TIAM1: variants seen among roughly 807,000 people sequenced by gnomAD.
TIAM1 encodes TIAM Rac1 associated GEF 1.
A neutral mutation model predicts 163.5 loss-of-function variants in TIAM1; 65 were observed. The observed-to-expected ratio is 0.40, with a 90% CI of 0.33 to 0.49. The LOEUF (loss-of-function observed/expected upper bound fraction) is 0.49, where lower values mean the gene tolerates loss of function less well. Among genes scored for constraint, TIAM1 ranks in the 20% least tolerant of loss-of-function variants. The pLI is 0.77. For missense variants in TIAM1, 1,789 were observed against 2,044.7 expected, an observed-to-expected ratio of 0.87 and a Z score of 2.41; for synonymous variants, 833 against 810.1, an observed-to-expected ratio of 1.03 and a Z score of -0.48.
intron 2 of TIAM1, among the ~76,000 whole-genome samples, chr21:31,394,629 G>A (rs1034677628): frequency 4.6e-5 from 7 of 151,610 alleles, no homozygotes; most frequent in African/African-American, 7.3e-5. Flanking sequence ...GGAACTCTGC[G>A]CTTTCCACCC....
chr21:31,188,599 G>A (rs986270054), intron 13 of TIAM1, among the ~76,000 whole-genome samples: 1 of 152,152 alleles, frequency 6.6e-6, no homozygotes, highest in Admixed American at 6.5e-5. Flanking sequence ...TAAAGAGACA[G>A]GGTCTTGCTC....
At chr21:31,188,084 G>GT (rs2085383453) in intron 13 of TIAM1, among the ~76,000 whole-genome samples, 1 of 152,020 alleles carries the variant, frequency 6.6e-6, no homozygotes, top group Admixed American at 6.6e-5. Context: ...ACAGAATTTT[G>GT]TAAGATTGGG....
intron 1 of TIAM1, among the ~76,000 whole-genome samples, chr21:31,474,237 AC>A (rs1300403134): frequency 6.6e-6 from 1 of 152,174 alleles, no homozygotes; most frequent in African/African-American, 2.4e-5. Context: ...TCACATTTCA[AC>A]ATGAGATTTG....
At chr21:31,265,631 A>G (rs987357144) in intron 4 of TIAM1, among the ~76,000 whole-genome samples, 2 of 152,108 alleles carry the variant, frequency 1.3e-5, no homozygotes, top group Non-Finnish European at 2.9e-5. Flanking sequence ...AATAAGTTCC[A>G]AGAGTCTGCA....
chr21:31,118,839 T>A lies in TIAM1; in HGVS notation c.*1529A>T, dbSNP rs1314867554. The A allele has an allele frequency of 2.9e-6, 1 of 350,220 alleles. No homozygotes were observed. Among genetic ancestry groups the A allele is most frequent in the African/African-American group, 2.2e-5 (1 of 46,366 alleles). The allele number at this position is 350,220 out of a possible 1,614,324, so 21.7% of individuals were successfully genotyped here. On this transcript the variant is annotated 3_prime_UTR_variant, in exon 28 of 28. Coordinates refer to ENST00000541036, the MANE Select transcript of TIAM1 (RefSeq NM_001353694.2). ...CTGGAAACCCGAAAGGCGGGGGGAA[T>A]ACAGGGTGGGAACGCAGGAAAAGCA...
At chr21:31,503,098 G>C (rs1569393038) in intron 1 of TIAM1, among the ~76,000 whole-genome samples, 1 of 152,080 alleles carries the variant, frequency 6.6e-6, no homozygotes, top group African/African-American at 2.4e-5. Context: ...TCTCCCTTAG[G>C]AAAATGGTGA....
chr21:31,373,488 A>C (rs1316103439), intron 2 of TIAM1, among the ~76,000 whole-genome samples: 1 of 152,058 alleles, frequency 6.6e-6, no homozygotes, highest in Non-Finnish European at 1.5e-5. Context: ...AAAAGCAGAA[A>C]CCCCTGATAA....
Position 31,213,492 on chromosome 21 carries a change from A to C in TIAM1, c.2143-20T>G, listed in dbSNP as rs1420702057. ...AAACACCTGCATATACAAAAGTACC[A>C]CCTTAAAAAGGAATCTGGGCAACAG... is the stretch of plus-strand genomic sequence containing the variant. On this transcript the variant is annotated intron_variant, in intron 9 of 27. Coordinates refer to ENST00000541036, the MANE Select transcript of TIAM1 (RefSeq NM_001353694.2). The C allele has an allele frequency of 6.2e-7, 1 of 1,612,864 alleles. No homozygotes were observed. Among genetic ancestry groups the C allele is most frequent in the Non-Finnish European group, 8.5e-7 (1 of 1,179,118 alleles).
At chr21:31,348,571 A>T (rs746283640), upstream of TIAM1, among the ~76,000 whole-genome samples, 2 of 152,254 alleles carry the variant, frequency 1.3e-5, no homozygotes, top group Non-Finnish European at 2.9e-5. Flanking sequence ...AAGGTTTTTC[A>T]TAACTACATT....
intron 2 of TIAM1, among the ~76,000 whole-genome samples, chr21:31,358,210 C>A (rs528853015): frequency 1.4e-4 from 21 of 152,332 alleles, no homozygotes; most frequent in African/African-American, 4.6e-4. Flanking sequence ...GTCATATCAG[C>A]CTCTGCAGGA....
At chr21:31,220,634 C>T (rs1432448205) in intron 8 of TIAM1, among the ~76,000 whole-genome samples, 1 of 152,192 alleles carries the variant, frequency 6.6e-6, no homozygotes, top group African/African-American at 2.4e-5. Context: ...TTAACAAACA[C>T]TTTACTTAAG....
intron 1 of TIAM1, among the ~76,000 whole-genome samples, chr21:31,507,179 A>T (rs1210945810): frequency 5.8e-4 from 26 of 44,580 alleles, no homozygotes; most frequent in African/African-American, 2.4e-3. Flanking sequence ...CACCTTTTTA[A>T]TTTTTTTTTT....
intron 1 of TIAM1, among the ~76,000 whole-genome samples, chr21:31,514,427 T>G (rs935714765): frequency 1.3e-5 from 2 of 151,848 alleles, no homozygotes; most frequent in Non-Finnish European, 2.9e-5. Context: ...ATATTGATTT[T>G]TGAACTTTGG....
At chr21:31,550,010 G>A (rs1203855770) in intron 1 of TIAM1, among the ~76,000 whole-genome samples, 1 of 152,082 alleles carries the variant, frequency 6.6e-6, no homozygotes, top group Admixed American at 6.5e-5. Context: ...TGTGGTCTCA[G>A]CTACTCAGGA....
intron 2 of TIAM1, among the ~76,000 whole-genome samples, chr21:31,429,677 TG>T (rs1348285713): frequency 6.6e-6 from 1 of 152,070 alleles, no homozygotes; most frequent in East Asian, 1.9e-4. Flanking sequence ...GCACCACCTG[TG>T]GCTGCAGCCT....
intron 2 of TIAM1, among the ~76,000 whole-genome samples, chr21:31,400,107 T>C (rs934207866): frequency 2.0e-5 from 3 of 151,856 alleles, no homozygotes; most frequent in Admixed American, 6.6e-5. Flanking sequence ...AGGGGAAATA[T>C]AAGGACAACA....
chr21:31,385,455 G>T (rs979604911), intron 2 of TIAM1, among the ~76,000 whole-genome samples: 1 of 152,084 alleles, frequency 6.6e-6, no homozygotes, highest in Non-Finnish European at 1.5e-5. Context: ...GGGTCCCAAG[G>T]CATTTTGGGG....
intron 2 of TIAM1, among the ~76,000 whole-genome samples, chr21:31,404,833 TTAAAAA>T (rs1482046698): frequency 6.6e-6 from 1 of 152,102 alleles, no homozygotes; most frequent in Non-Finnish European, 1.5e-5. Context: ...CCACAATTAT[TTAAAAA>T]TAAAGTTTAA....
chr21:31,336,786 G>C (rs1044788948), intron 2 of TIAM1, among the ~76,000 whole-genome samples: 1 of 152,088 alleles, frequency 6.6e-6, no homozygotes, highest in African/African-American at 2.4e-5. Flanking sequence ...GGAGGAGGTG[G>C]ACTTGAACTG....
Sources: gnomAD v4.1 joint callset for allele counts (sites outside exome capture counted in the v4.1 genomes callset) on GRCh38, gnomAD v4.1.1 for gene constraint, MANE v1.5 for transcripts, NCBI Gene and HGNC (gene_info 2026-07-23, HGNC 2026-07-21) for gene names.